Variants in EPAS1 observed in about 807,000 individuals in gnomAD.
The protein encoded by EPAS1 is endothelial PAS domain-containing protein 1.
Under a neutral mutation model 87.9 loss-of-function variants are expected in EPAS1, and 23 were observed. The observed-to-expected ratio is 0.26, with a 90% CI of 0.19 to 0.37. EPAS1 has a LOEUF of 0.37. EPAS1 is among the 10% of genes least tolerant of loss of function. The pLI, the probability that EPAS1 is intolerant of heterozygous loss-of-function variation, is 1.00. For missense variants in EPAS1, 1,138 were observed against 1,120.7 expected (o/e 1.02, Z -0.22); for synonymous variants, 508 against 444.3 (o/e 1.14, Z -1.80).
At chr2:46,326,300 G>A (rs1683563434) in intron 1 of EPAS1, among the ~76,000 whole-genome samples, 1 of 152,142 alleles carries the variant, frequency 6.6e-6, no homozygotes, top group Non-Finnish European at 1.5e-5. Context: ...AAGGGAATTC[G>A]ACTATCAAGA....
intron 1 of EPAS1, among the ~76,000 whole-genome samples, chr2:46,315,831 C>T (rs1464595796): frequency 6.6e-6 from 1 of 152,224 alleles, no homozygotes; most frequent in Non-Finnish European, 1.5e-5. Flanking sequence ...AAGATTATAG[C>T]ACAAGGGGAG....
At chr2:46,340,865 G>C (rs567758957) in intron 1 of EPAS1, among the ~76,000 whole-genome samples, 1 of 152,066 alleles carries the variant, frequency 6.6e-6, no homozygotes, top group African/African-American at 2.4e-5. Flanking sequence ...TGGGACCACC[G>C]GTGTGTGCCA....
intron 1 of EPAS1, among the ~76,000 whole-genome samples, chr2:46,307,392 T>C (rs1056808326): frequency 6.6e-6 from 1 of 152,226 alleles, no homozygotes; most frequent in African/African-American, 2.4e-5. Flanking sequence ...AAGGAAAGTA[T>C]GAAGGTCACA....
At chr2:46,339,852 TGA>T (rs994442395) in intron 1 of EPAS1, among the ~76,000 whole-genome samples, 37 of 152,270 alleles carry the variant, frequency 2.4e-4, no homozygotes, top group Admixed American at 1.3e-3. Flanking sequence ...GTGGAAGGGG[TGA>T]GAGGGTTCCC....
Position 46,360,899 on chromosome 2 carries a change from G to A in EPAS1, c.588G>A (p.Thr196=), listed in dbSNP as rs769055855. ...GCCTGTCTCAGGTCTTGCACTGCAC[G>A]GGCCAGGTGAAAGTCTACAACAACT... is the stretch of plus-strand genomic sequence containing the variant. The part of the protein sequence containing the change: ...KSATWKVLHC[T]GQVKVYNNCP... Residue 196 remains threonine (T), a synonymous_variant, in exon 6 of 16, where the codon ACG becomes ACA. Transcript: ENST00000263734. The surrounding 1 kb of genome is among the most constrained non-coding windows in gnomAD (Gnocchi z 4.5). 124 of 1,614,034 alleles carry A rather than the reference G, an allele frequency of 7.7e-5. 1 individual carries two copies. In the South Asian group the frequency reaches 1.2e-3, roughly 15 times the overall value.
At chr2:46,330,609 C>T (rs2104857562) in intron 1 of EPAS1, among the ~76,000 whole-genome samples, 1 of 152,358 alleles carries the variant, frequency 6.6e-6, no homozygotes, top group East Asian at 1.9e-4. Flanking sequence ...ATAATCACCT[C>T]TTGTAATATC....
intron 1 of EPAS1, among the ~76,000 whole-genome samples, chr2:46,340,603 G>A (rs1683892365): frequency 6.6e-6 from 1 of 152,204 alleles, no homozygotes; most frequent in African/African-American, 2.4e-5. Context: ...TAGAGACCAT[G>A]CCCCTCAGGA....
intron 1 of EPAS1, among the ~76,000 whole-genome samples, chr2:46,333,308 T>C (rs1380106300): frequency 6.6e-6 from 1 of 152,144 alleles, no homozygotes; most frequent in East Asian, 1.9e-4. Context: ...CTTTGATACA[T>C]GAGAGGTTTG....
At position 46,382,279 on chromosome 2, in the gene EPAS1, G is replaced by A. The variant is rs1291283711; in HGVS notation, c.2288-146G>A. ...ACTTTTCCATCTCCACTCTGACTTA[G>A]ATGATGCCATCAGAGGGTCCTGAAG... On this transcript the variant is annotated intron_variant, in intron 14 of 15. Transcript: ENST00000263734. 9 of 1,161,018 alleles carry A rather than the reference G, an allele frequency of 7.8e-6. No individual in the cohort carries two copies. The African/African-American group carries it at 1.4e-4, about 18-fold the overall frequency. 71.9% of individuals were successfully genotyped at this position (1,161,018 alleles called of 1,614,324 possible). A position where few individuals can be genotyped will look rare whatever the true frequency, so the allele number is the denominator to read the frequency against.
chr2:46,301,260 G>A (rs755757800), intron 1 of EPAS1, among the ~76,000 whole-genome samples: 23 of 152,020 alleles, frequency 1.5e-4, no homozygotes, highest in Non-Finnish European at 1.9e-4. Context: ...AGACTTCTCC[G>A]GTCACAAGGA....
At chr2:46,315,923 AG>A (rs1683306333) in intron 1 of EPAS1, among the ~76,000 whole-genome samples, 3 of 152,252 alleles carry the variant, frequency 2.0e-5, no homozygotes, top group Non-Finnish European at 4.4e-5. Flanking sequence ...AAAGTTGCTA[AG>A]TTGTTTTCTT....
chr2:46,341,130 C>G lies in EPAS1; in HGVS notation c.27-5743C>G, dbSNP rs114917378. 7.9e-3 allele frequency among the ~76,000 whole-genome samples: 1,203 copies of G among 152,362 alleles called. 14 individuals carry two copies. Among genetic ancestry groups the G allele is most frequent in the African/African-American group, 0.028 (1,167 of 41,586 alleles). The stretch of plus-strand genomic sequence containing the variant: ...CAGAATGTACCTAGAACACTGACCA[C>G]TGGAACACTGCCTTCATCTCAAACA... On this transcript the variant is annotated intron_variant, in intron 1 of 15. Coordinates refer to ENST00000263734, the MANE Select transcript of EPAS1 (RefSeq NM_001430.5).
chr2:46,359,657 C>T (rs1684348516), intron 4 of EPAS1, among the ~76,000 whole-genome samples: 1 of 152,166 alleles, frequency 6.6e-6, no homozygotes, highest in African/African-American at 2.4e-5. Flanking sequence ...ATATGTCAGT[C>T]AAGATCCTCT....
intron 15 of EPAS1, among the ~76,000 whole-genome samples, chr2:46,384,230 G>A (rs111538981): frequency 2.0e-5 from 3 of 152,194 alleles, no homozygotes; most frequent in African/African-American, 7.2e-5. Flanking sequence ...GAGGCATGGG[G>A]GTCAGCAACC....
intron 1 of EPAS1, among the ~76,000 whole-genome samples, chr2:46,340,330 C>T (rs375720754): frequency 6.6e-6 from 1 of 152,180 alleles, no homozygotes; most frequent in African/African-American, 2.4e-5. Flanking sequence ...GCAGTCCAGG[C>T]CCTCTGCTCC....
chr2:46,379,068 C>A (rs551028790), intron 11 of EPAS1, among the ~76,000 whole-genome samples: 2 of 152,226 alleles, frequency 1.3e-5, no homozygotes, highest in Admixed American at 6.5e-5. Flanking sequence ...CTACATTTAA[C>A]AAGCATAGCC....
chr2:46,338,892 G>C (rs905698510), intron 1 of EPAS1, among the ~76,000 whole-genome samples: 1 of 146,748 alleles, frequency 6.8e-6, no homozygotes. Context: ...GAGGATGCCA[G>C]TGTAGCCAAA....
At position 46,376,781 on chromosome 2, in the gene EPAS1, C is replaced by G. The variant is rs754240839; in HGVS notation, c.1249+28C>G. On this transcript the variant is annotated intron_variant, in intron 9 of 15. Coordinates refer to ENST00000263734, the MANE Select transcript of EPAS1 (RefSeq NM_001430.5). ...GGGTGCTTCTTAGCTAAGCCAGGCC[C>G]CTGGAACCCCGTTGGGGCTGGGAAG... 7 of 1,610,250 alleles carry G rather than the reference C, an allele frequency of 4.3e-6. No homozygotes were observed. The East Asian group carries it at 1.1e-4, about 26-fold the overall frequency.
Position 46,304,460 on chromosome 2 carries a change from A to G in EPAS1, c.26+6523A>G, listed in dbSNP as rs1683069817. Among the ~76,000 whole-genome samples, 4 of 152,214 alleles carry G rather than the reference A, an allele frequency of 2.6e-5. 1 individual carries two copies. In the South Asian group the frequency reaches 6.2e-4, roughly 24 times the overall value. On this transcript the variant is annotated intron_variant, in intron 1 of 15. Transcript: ENST00000263734. ...TATTTAATACTGCTTCTGACTCACA[A>G]TAAGTGCTCTATAAATGACAACTGC...
Sources: gnomAD v4.1 joint callset for allele counts (sites outside exome capture counted in the v4.1 genomes callset) on GRCh38, gnomAD v4.1.1 for gene constraint, Gnocchi (gnomAD v3.1) non-coding constraint, MANE v1.5 for transcripts, NCBI Gene and HGNC (gene_info 2026-07-23, HGNC 2026-07-21) for gene names.